The following UPP2 variants were observed in gnomAD, a reference collection of about 807,000 sequenced individuals.
UPP2 encodes the protein UPase 2.
In UPP2, 23 loss-of-function variants were observed where a neutral mutation model predicts 26.7. The ratio of observed to expected loss-of-function variants is 0.86; its 90% CI spans 0.62 to 1.22. The LOEUF (loss-of-function observed/expected upper bound fraction) is 1.22, where lower values mean the gene tolerates loss of function less well. Ranked by LOEUF, UPP2 falls within the 50% of genes most tolerant of loss-of-function variation. UPP2 has a pLI of 0.00. For missense variants in UPP2, 387 were observed against 396.7 expected, an observed-to-expected ratio of 0.98 and a Z score of 0.21; for synonymous variants, 127 against 141.3, an observed-to-expected ratio of 0.90 and a Z score of 0.72.
At chr2:158,038,244 A>G (rs1285118977) in intron 3 of UPP2, among the ~76,000 whole-genome samples, 1 of 152,232 alleles carries the variant, frequency 6.6e-6, no homozygotes, top group Admixed American at 6.5e-5. Context: ...TCAGTCTACC[A>G]GATGTTTTAA....
Position 157,997,356 on chromosome 2 carries a change from G to A in UPP2, c.61+2097G>A, listed in dbSNP as rs114972740. On this transcript the variant is annotated intron_variant, in intron 2 of 9. Transcript: ENST00000605860. ...TTTTATAATATACCATTGAACATCTGTAAAGGTCTTCACATTTTTAGGTAG... is the reference window on the plus strand; with the variant it reads ...TTTTATAATATACCATTGAACATCTATAAAGGTCTTCACATTTTTAGGTAG... 3.2e-3 allele frequency among the ~76,000 whole-genome samples: 485 copies of A among 152,096 alleles called. 5 individuals carry two copies. The highest frequency in any genetic ancestry group is 0.011 in the African/African-American group (454 of 41,478).
chr2:158,134,833 A>C lies in UPP2; in HGVS notation c.897A>C (p.Gln299His), dbSNP rs773979017. 1 of 1,613,720 alleles carries C rather than the reference A, an allele frequency of 6.2e-7. No homozygotes were observed. Among genetic ancestry groups the C allele is most frequent in the East Asian group, 2.2e-5 (1 of 44,842 alleles). The change falls in exon 7 of 7, where the codon CAA becomes CAC. Residue 299 changes from glutamine to histidine, a missense_variant. Transcript: ENST00000005756. ...LPHDVLVEYQ[Q>H]RPQLLISNFI... The stretch of plus-strand genomic sequence containing the variant: ...ATGATGTCCTGGTGGAGTACCAGCA[A>C]CGGCCTCAGCTCCTAATCTCCAACT...
chr2:158,018,096 T>G (rs6723729), intron 3 of UPP2, among the ~76,000 whole-genome samples: 1 of 151,992 alleles, frequency 6.6e-6, no homozygotes, highest in Non-Finnish European at 1.5e-5. Flanking sequence ...TGAAGACACA[T>G]AGAATAACTA....
At chr2:158,121,368 T>C (rs1424886124) in intron 4 of UPP2, 41 bp from the exon 5 acceptor site, 1 of 1,570,964 alleles carries the variant, frequency 6.4e-7, no homozygotes. Flanking sequence ...AAGTAAACTC[T>C]AAACGATATT....
chr2:158,063,047 T>C (rs1682377788), intron 3 of UPP2, among the ~76,000 whole-genome samples: 1 of 152,208 alleles, frequency 6.6e-6, no homozygotes, highest in Non-Finnish European at 1.5e-5. Context: ...CAATCATCCC[T>C]TTGAGCCTGA....
chr2:158,115,153 T>C lies in UPP2; in HGVS notation c.233T>C (p.Met78Thr). The C allele has an allele frequency of 1.2e-6, 2 of 1,613,816 alleles. No individual in the cohort carries two copies. The highest frequency in any genetic ancestry group is 1.7e-6 in the Non-Finnish European group (2 of 1,179,898). Residue 78 changes from methionine (M) to threonine (T), a missense_variant, in exon 3 of 7, where the codon ATG (methionine) becomes ACG (threonine). Physicochemically the swap from Met to Thr is moderately conservative, Grantham distance 81 (BLOSUM62 -1). Transcript: ENST00000005756. ...AGAATGAAAGCATTTGCACTGTTTA[T>C]GCACAAGGAGCTCGGGTTTGAGGAA... ...PNRMKAFALFMHKELGFEEAE... is the reference protein window; with the variant it reads ...PNRMKAFALFTHKELGFEEAE...
chr2:158,112,769 G>C (rs961808631), intron 2 of UPP2, among the ~76,000 whole-genome samples: 4 of 152,096 alleles, frequency 2.6e-5, no homozygotes, highest in African/African-American at 9.7e-5. Flanking sequence ...TGCATAAAAT[G>C]CAATAGACCA....
intron 3 of UPP2, among the ~76,000 whole-genome samples, chr2:158,074,229 G>T (rs1682589793): frequency 6.6e-6 from 1 of 152,050 alleles, no homozygotes; most frequent in South Asian, 2.1e-4. Context: ...ATCATCTGAA[G>T]ATAGAAAACT....
intron 3 of UPP2, among the ~76,000 whole-genome samples, chr2:158,017,894 T>A (rs1160900943): frequency 1.3e-5 from 2 of 152,262 alleles, no homozygotes; most frequent in Non-Finnish European, 2.9e-5. Flanking sequence ...TTCTTCTTTT[T>A]AAGCTTATAT....
intron 2 of UPP2, among the ~76,000 whole-genome samples, chr2:158,000,080 T>A (rs1033917927): frequency 5.3e-5 from 8 of 151,980 alleles, no homozygotes; most frequent in Non-Finnish European, 1.2e-4. Flanking sequence ...TTTTTTTTTT[T>A]GAGACAGAGT....
chr2:158,090,298 T>G (rs1418703051), intron 3 of UPP2, among the ~76,000 whole-genome samples: 2 of 152,074 alleles, frequency 1.3e-5, no homozygotes, highest in Non-Finnish European at 2.9e-5. Flanking sequence ...GTCGGGGATC[T>G]AGACCATCCT....
At chr2:158,049,551 A>G (rs1682113952) in intron 3 of UPP2, among the ~76,000 whole-genome samples, 1 of 152,104 alleles carries the variant, frequency 6.6e-6, no homozygotes. Context: ...GCCTCTTTTC[A>G]TTTTAGGGGT....
chr2:158,021,905 T>C (rs557754786), intron 3 of UPP2, among the ~76,000 whole-genome samples: 5 of 152,236 alleles, frequency 3.3e-5, no homozygotes, highest in Non-Finnish European at 5.9e-5. Flanking sequence ...TTAGATGAGA[T>C]CAGATCATTA....
In UPP2 at chr2:158,121,394, A is replaced by T; in HGVS notation, c.455-15A>T. On this transcript the variant is annotated splice_polypyrimidine_tract_variant and intron_variant, in intron 4 of 6. Coordinates refer to ENST00000005756, the MANE Select transcript of UPP2 (RefSeq NM_173355.4). ...AAACGATATTCTTCTGTAATCATTT[A>T]TTCCCACATTGCAGGGATTGCACCA... 2.5e-6 allele frequency: 4 copies of T among 1,603,280 alleles called. No homozygotes were observed. Among genetic ancestry groups the T allele is most frequent in the Non-Finnish European group, 2.6e-6 (3 of 1,169,826 alleles).
At chr2:158,090,725 A>G (rs1366700341) in intron 3 of UPP2, among the ~76,000 whole-genome samples, 1 of 152,208 alleles carries the variant, frequency 6.6e-6, no homozygotes, top group African/African-American at 2.4e-5. Flanking sequence ...AGTATTGTCT[A>G]AAGGCTAGCA....
chr2:158,006,936 A>G (rs1418439832), intron 2 of UPP2, among the ~76,000 whole-genome samples: 1 of 152,202 alleles, frequency 6.6e-6, no homozygotes, highest in Non-Finnish European at 1.5e-5. Flanking sequence ...GATTTTGTGT[A>G]CCAGAAGGCC....
intron 3 of UPP2, among the ~76,000 whole-genome samples, chr2:158,026,819 T>C (rs941020376): frequency 6.6e-6 from 1 of 152,166 alleles, no homozygotes; most frequent in Non-Finnish European, 1.5e-5. Flanking sequence ...CATTTCCACA[T>C]GGCCGGAGAG....
At chr2:158,028,478 A>T (rs1029578678) in intron 3 of UPP2, among the ~76,000 whole-genome samples, 2 of 152,182 alleles carry the variant, frequency 1.3e-5, no homozygotes, top group African/African-American at 4.8e-5. Flanking sequence ...TATCACTAAT[A>T]GGCTTTTGGT....
intron 2 of UPP2, among the ~76,000 whole-genome samples, chr2:158,009,170 C>A (rs867584983): frequency 2.0e-5 from 3 of 152,146 alleles, no homozygotes; most frequent in Non-Finnish European, 4.4e-5. Context: ...GAAATATATT[C>A]TCTTGGCTTT....
Sources: allele counts gnomAD v4.1 joint callset (sites outside exome capture counted in the v4.1 genomes callset), GRCh38; gene constraint gnomAD v4.1.1; transcripts MANE v1.5; gene names NCBI Gene and HGNC (gene_info 2026-07-23, HGNC 2026-07-21).